Variants in TRPM3 observed in about 807,000 individuals in gnomAD.
The protein encoded by TRPM3 is long transient receptor potential channel 3.
TRPM3 carries 77 observed loss-of-function variants against 181.2 expected under a neutral mutation model. The ratio of observed to expected loss-of-function variants is 0.42; its 90% CI spans 0.35 to 0.51. The LOEUF (loss-of-function observed/expected upper bound fraction) is 0.51. Among genes scored for constraint, TRPM3 ranks in the 20% least tolerant of loss-of-function variants. TRPM3 has a pLI of 0.01. For missense variants in TRPM3, 1,759 were observed against 2,196.7 expected (o/e 0.80, Z 3.98); for synonymous variants, 745 against 796.4 (o/e 0.94, Z 1.09).
At chr9:70,813,270 C>A (rs1364262842) in intron 6 of TRPM3, among the ~76,000 whole-genome samples, 1 of 152,092 alleles carries the variant, frequency 6.6e-6, no homozygotes, top group African/African-American at 2.4e-5. Context: ...GGGTGCTCAT[C>A]AGTGGTGGAT....
intron 1 of TRPM3, among the ~76,000 whole-genome samples, chr9:71,039,856 A>G (rs958767006): frequency 3.9e-5 from 6 of 152,162 alleles, no homozygotes; most frequent in African/African-American, 1.4e-4. Flanking sequence ...TTAGTATTAC[A>G]TCCTGTATCT....
At chr9:70,804,020 C>T (rs1225679344) in intron 6 of TRPM3, among the ~76,000 whole-genome samples, 1 of 152,012 alleles carries the variant, frequency 6.6e-6, no homozygotes, top group Admixed American at 6.6e-5. Context: ...TCCTCTTTGC[C>T]TTGTCCCTTT....
intron 14 of TRPM3, among the ~76,000 whole-genome samples, chr9:70,623,954 T>G (rs1054633439): frequency 6.1e-5 from 9 of 147,702 alleles, no homozygotes; most frequent in African/African-American, 2.2e-4. Flanking sequence ...TTGGCAGATG[T>G]TTTTGGAATG....
chr9:71,200,264 A>G lies in TRPM3; in HGVS notation c.183+246389T>C, dbSNP rs867637343. Among the ~76,000 whole-genome samples the G allele has an allele frequency of 4.0e-5, 6 of 151,892 alleles. No individual in the cohort carries two copies. The South Asian group carries it at 1.3e-3, about 32-fold the overall frequency. On this transcript the variant is annotated intron_variant, in intron 1 of 24. Transcript: ENST00000357533. ...AGTTTGTTATAATTTCTGTTCTTTT[A>G]CACTTGCTGAGGAGAGCTTTATTTC...
At chr9:70,589,361 C>A (rs72718976) in intron 22 of TRPM3, among the ~76,000 whole-genome samples, 6,761 of 152,248 alleles carry the variant, frequency 0.044, 218 homozygotes, top group Non-Finnish European at 0.067. Context: ...ATAAAACACA[C>A]CTACACCTCC....
At chr9:70,639,295 C>A in intron 10 of TRPM3, 101 bp from the exon 11 acceptor site, 1 of 1,327,554 alleles carries the variant, frequency 7.5e-7, no homozygotes, top group Non-Finnish European at 1.0e-6. Context: ...CCTTTGACAT[C>A]TGGTAAACCT....
At chr9:70,537,608 A>G (rs2042124265) in intron 25 of TRPM3, among the ~76,000 whole-genome samples, 1 of 152,210 alleles carries the variant, frequency 6.6e-6, no homozygotes, top group Admixed American at 6.5e-5. Context: ...TTTGAGCTAG[A>G]AGAGGCTTTA....
At chr9:71,158,218 T>C (rs1587699956) in intron 1 of TRPM3, among the ~76,000 whole-genome samples, 1 of 152,260 alleles carries the variant, frequency 6.6e-6, no homozygotes, top group Middle Eastern at 3.4e-3. Context: ...CCCTAGTTGA[T>C]TCCCCCAACA....
chr9:71,076,438 T>G (rs2063472940), intron 1 of TRPM3, among the ~76,000 whole-genome samples: 1 of 152,118 alleles, frequency 6.6e-6, no homozygotes, highest in South Asian at 2.1e-4. Context: ...GGGTGGACAG[T>G]TCTTGGCAGC....
chr9:70,814,612 T>C (rs1417005930), intron 6 of TRPM3, among the ~76,000 whole-genome samples: 2 of 152,154 alleles, frequency 1.3e-5, no homozygotes, highest in African/African-American at 4.8e-5. Context: ...GATTTGAAAA[T>C]ACTGTTCTCT....
intron 1 of TRPM3, among the ~76,000 whole-genome samples, chr9:71,253,478 T>A (rs1422070863): frequency 6.6e-6 from 1 of 152,182 alleles, no homozygotes; most frequent in Non-Finnish European, 1.5e-5. Flanking sequence ...GACAGCCACT[T>A]ATAAGCATTA....
intron 20 of TRPM3, among the ~76,000 whole-genome samples, chr9:70,601,841 T>C (rs1298917061): frequency 6.6e-6 from 1 of 152,108 alleles, no homozygotes; most frequent in Non-Finnish European, 1.5e-5. Context: ...ATCTCCCTGC[T>C]CGAGTCCTTC....
At chr9:71,221,110 T>C (rs2080213526) in intron 1 of TRPM3, among the ~76,000 whole-genome samples, 5 of 152,202 alleles carry the variant, frequency 3.3e-5, no homozygotes, top group Admixed American at 3.3e-4. Context: ...CCACCATGTC[T>C]GAGGGAGTTC....
intron 22 of TRPM3, among the ~76,000 whole-genome samples, chr9:70,583,967 C>T (rs958637997): frequency 1.3e-5 from 2 of 152,174 alleles, no homozygotes; most frequent in African/African-American, 2.4e-5. Context: ...GAACTCTCAT[C>T]GCTGTTCCCT....
chr9:70,817,470 T>C (rs2092798526), intron 6 of TRPM3, among the ~76,000 whole-genome samples: 1 of 152,088 alleles, frequency 6.6e-6, no homozygotes, highest in African/African-American at 2.4e-5. Flanking sequence ...ATAGGAAAAA[T>C]TCCTGTCTCA....
rs1048848709 is a variant in TRPM3 at position 71,035,891 on chromosome 9, G to A, written c.177+85287C>T. The stretch of plus-strand genomic sequence containing the variant: ...AATATATGGTACAAATTATTAAATA[G>A]AGACAAGTAGAGGATGTTATATAAA... On this transcript the variant is annotated intron_variant, in intron 1 of 25. Transcript: ENST00000677713. Among the ~76,000 whole-genome samples the A allele has an allele frequency of 4.6e-5, 7 of 150,680 alleles. No homozygotes were observed. In the East Asian group the frequency reaches 1.4e-3, roughly 29 times the overall value.
At chr9:71,390,332 G>T (rs2093034070) in intron 1 of TRPM3, among the ~76,000 whole-genome samples, 1 of 152,034 alleles carries the variant, frequency 6.6e-6, no homozygotes, top group African/African-American at 2.4e-5. Context: ...TAAATTCACT[G>T]TATCAACTAA....
intron 8 of TRPM3, 36 bp from the exon 9 acceptor site, chr9:70,681,614 T>C (rs1289027538): frequency 6.4e-7 from 1 of 1,572,706 alleles, no homozygotes; most frequent in Admixed American, 1.7e-5. Flanking sequence ...TAGCAAAGCA[T>C]TTTTCCCCCA....
intron 1 of TRPM3, among the ~76,000 whole-genome samples, chr9:71,244,057 G>A (rs1327970809): frequency 6.6e-6 from 1 of 152,182 alleles, no homozygotes; most frequent in Non-Finnish European, 1.5e-5. Flanking sequence ...ACAACAGTTT[G>A]TGCCTGTGGC....
Sources: allele counts gnomAD v4.1 joint callset (sites outside exome capture counted in the v4.1 genomes callset), GRCh38; gene constraint gnomAD v4.1.1; transcripts MANE v1.5; gene names NCBI Gene and HGNC (gene_info 2026-07-23, HGNC 2026-07-21).